The following ZC3H14 variants were observed in gnomAD, a reference collection of about 807,000 sequenced individuals.
The protein encoded by ZC3H14 is zinc finger CCCH domain-containing protein 14.
In ZC3H14, 31 loss-of-function variants were observed where a neutral mutation model predicts 92.4. The ratio of observed to expected loss-of-function variants is 0.34; its 90% CI spans 0.25 to 0.45. ZC3H14 has a LOEUF of 0.45. ZC3H14 is among the 20% of genes least tolerant of loss of function. The probability of loss-of-function intolerance (pLI) is 1.00; values close to 1 mark genes in which losing one functional copy is unlikely to be tolerated. For synonymous variants in ZC3H14, 321 were observed against 300.9 expected (o/e 1.07, Z -0.69); for missense variants, 781 against 897.3 (o/e 0.87, Z 1.66).
chr14:88,565,848 G>A (rs1402047666), intron 2 of ZC3H14, among the ~76,000 whole-genome samples: 1 of 151,744 alleles, frequency 6.6e-6, no homozygotes, highest in Non-Finnish European at 1.5e-5. Context: ...ATGAAACAAG[G>A]CCAGTCTTTG....
At chr14:88,567,999 TG>T in intron 2 of ZC3H14, 39 bp from the exon 3 acceptor site, 1 of 1,555,008 alleles carries the variant, frequency 6.4e-7, no homozygotes, top group Non-Finnish European at 8.9e-7. Context: ...AAGAAAGTTT[TG>T]AGGAAACAAA....
At chr14:88,594,291 A>T in intron 9 of ZC3H14, 1 of 450,464 alleles carries the variant, frequency 2.2e-6, no homozygotes, top group Non-Finnish European at 3.0e-6. Context: ...CCTATAAAGT[A>T]GCGCTTCAGT....
At position 88,614,506 on chromosome 14, in the gene ZC3H14, C is replaced by T. The variant is rs2087293141; in HGVS notation, c.*2755C>T. 6.6e-6 allele frequency: 1 copy of T among 152,058 alleles called. No homozygotes were observed. Among genetic ancestry groups the T allele is most frequent in the Non-Finnish European group, 1.5e-5 (1 of 68,014 alleles). The allele number at this position is 152,058 out of a possible 1,614,324, so 9.4% of individuals were successfully genotyped here. On this transcript the variant is annotated 3_prime_UTR_variant, in exon 17 of 17. Transcript: ENST00000251038. ...AGAATCTTCATATATCCTGTCAGAC[C>T]AAATGGGATTCCAGGAACCTAAAGC...
Position 88,625,374 on chromosome 14 carries a change from A to G in ZC3H14, c.*13623A>G, listed in dbSNP as rs992229070. ...TAACCTTAGACAATTCTTCCCTTCCAATTCTAACATACTATAATTCTAGGG... is the reference window on the plus strand; with the variant it reads ...TAACCTTAGACAATTCTTCCCTTCCGATTCTAACATACTATAATTCTAGGG... On this transcript the variant is annotated 3_prime_UTR_variant, in exon 17 of 17. Coordinates refer to ENST00000251038, the MANE Select transcript of ZC3H14 (RefSeq NM_024824.5). 11 of 425,940 alleles carry G rather than the reference A, an allele frequency of 2.6e-5. No individual in the cohort carries two copies. The highest frequency in any genetic ancestry group is 2.0e-4 in the African/African-American group (10 of 48,854). 26.4% of individuals were successfully genotyped at this position (425,940 alleles called of 1,614,324 possible). A position where few individuals can be genotyped will look rare whatever the true frequency, so the allele number is the denominator to read the frequency against.
At chr14:88,611,130 G>A (rs1340236009) in intron 16 of ZC3H14, among the ~76,000 whole-genome samples, 190 bp downstream of exon 16, 2 of 152,058 alleles carry the variant, frequency 1.3e-5, no homozygotes, top group Non-Finnish European at 2.9e-5. Flanking sequence ...ATTATCCAGT[G>A]GTTACTTTTT....
rs1416615143 is a variant in ZC3H14 at position 88,622,651 on chromosome 14, C to G, written c.*10900C>G. ...ACACAATCTGTGGCTTGTCCTGTCTCAAGCCTGAAGGCACGGCACCGCCTC... is the reference window on the plus strand; with the variant it reads ...ACACAATCTGTGGCTTGTCCTGTCTGAAGCCTGAAGGCACGGCACCGCCTC... On this transcript the variant is annotated 3_prime_UTR_variant, in exon 17 of 17. Transcript: ENST00000251038. 3.1e-6 allele frequency: 5 copies of G among 1,611,966 alleles called. No homozygotes were observed. Among genetic ancestry groups the G allele is most frequent in the Non-Finnish European group, 4.2e-6 (5 of 1,178,932 alleles).
intron 9 of ZC3H14, chr14:88,586,737 A>G (rs914027277): frequency 8.5e-5 from 13 of 152,242 alleles, no homozygotes; most frequent in Non-Finnish European, 1.5e-4. Flanking sequence ...TATGAAATAC[A>G]TGCTCACCAT....
intron 9 of ZC3H14, among the ~76,000 whole-genome samples, chr14:88,579,262 A>C (rs1213859037): frequency 6.6e-6 from 1 of 151,946 alleles, no homozygotes; most frequent in Admixed American, 6.6e-5. Context: ...AAAATTTTTG[A>C]CTGTATTGTT....
At chr14:88,607,513 A>C (rs2140118885) in intron 13 of ZC3H14, 150 bp downstream of exon 13, 2 of 742,050 alleles carry the variant, frequency 2.7e-6, no homozygotes, top group Non-Finnish European at 4.5e-6. Context: ...AGTGAGTACC[A>C]TCCCATCTCA....
intron 13 of ZC3H14, 57 bp downstream of exon 13, chr14:88,607,420 C>A: frequency 6.7e-7 from 1 of 1,501,964 alleles, no homozygotes; most frequent in East Asian, 2.8e-5. Context: ...CCATCTCACC[C>A]TGCAAGTACC....
Position 88,617,050 on chromosome 14 carries a change from C to G in ZC3H14, c.*5299C>G. On this transcript the variant is annotated 3_prime_UTR_variant, in exon 17 of 17. Coordinates refer to ENST00000251038, the MANE Select transcript of ZC3H14 (RefSeq NM_024824.5). ...CCTGAATTTCATCAGGATATCAACT[C>G]CTGCCTTTTAAAAATGACATTTTAT... The G allele has an allele frequency of 2.1e-6, 1 of 486,362 alleles. No homozygotes were observed. The highest frequency in any genetic ancestry group is 3.6e-6 in the Non-Finnish European group (1 of 278,530). The allele number at this position is 486,362 out of a possible 1,614,324, so 30.1% of individuals were successfully genotyped here. A position where few individuals can be genotyped will look rare whatever the true frequency, so the allele number is the denominator to read the frequency against.
intron 9 of ZC3H14, among the ~76,000 whole-genome samples, chr14:88,593,856 A>C (rs1270797990): frequency 6.6e-6 from 1 of 151,330 alleles, no homozygotes; most frequent in African/African-American, 2.4e-5. Flanking sequence ...CTCGGACTTC[A>C]TCAAAATTTA....
At chr14:88,585,401 G>A (rs1448394441) in intron 9 of ZC3H14, among the ~76,000 whole-genome samples, 8 of 148,078 alleles carry the variant, frequency 5.4e-5, no homozygotes, top group East Asian at 2.0e-4. Context: ...TTTTTGAGAC[G>A]GAGTCTCACT....
At chr14:88,602,706 C>T in intron 11 of ZC3H14, 122 bp from the exon 12 acceptor site, 1 of 1,059,484 alleles carries the variant, frequency 9.4e-7, no homozygotes, top group Non-Finnish European at 1.4e-6. Flanking sequence ...CCTACCTAGT[C>T]TTTTTTTATT....
chr14:88,563,703 T>C lies in ZC3H14; in HGVS notation c.79+10T>C. ...TTAGGAGCTTATGTTGGTAAGTGTTTTTTTGGTTGTTAGTCTTACAGAATT... is the reference window on the plus strand; with the variant it reads ...TTAGGAGCTTATGTTGGTAAGTGTTCTTTTGGTTGTTAGTCTTACAGAATT... On this transcript the variant is annotated intron_variant, in intron 2 of 16. Coordinates refer to ENST00000251038, the MANE Select transcript of ZC3H14 (RefSeq NM_024824.5). The C allele has an allele frequency of 6.2e-7, 1 of 1,613,180 alleles. No homozygotes were observed. The highest frequency in any genetic ancestry group is 8.5e-7 in the Non-Finnish European group (1 of 1,179,094).
At chr14:88,579,211 A>C (rs1438006806) in intron 9 of ZC3H14, among the ~76,000 whole-genome samples, 1 of 152,154 alleles carries the variant, frequency 6.6e-6, no homozygotes, top group Non-Finnish European at 1.5e-5. Flanking sequence ...ATGATTTCAG[A>C]ATTGTCAATT....
chr14:88,615,726 T>G lies in ZC3H14; in HGVS notation c.*3975T>G, dbSNP rs1213827076. The G allele has an allele frequency of 3.3e-6, 4 of 1,203,548 alleles. No homozygotes were observed. The highest frequency in any genetic ancestry group is 2.4e-6 in the Non-Finnish European group (2 of 843,110). 74.6% of individuals were successfully genotyped at this position (1,203,548 alleles called of 1,614,324 possible). A position where few individuals can be genotyped will look rare whatever the true frequency, so the allele number is the denominator to read the frequency against. On this transcript the variant is annotated 3_prime_UTR_variant, in exon 17 of 17. Coordinates refer to ENST00000251038, the MANE Select transcript of ZC3H14 (RefSeq NM_024824.5). ...ATTTCTCCCTGTTACAGTCTTGGGTTAGCACCACTTGACCATGCAGGGTTG... is the reference window on the plus strand; with the variant it reads ...ATTTCTCCCTGTTACAGTCTTGGGTGAGCACCACTTGACCATGCAGGGTTG...
At chr14:88,569,264 TA>T (rs1263429281) in intron 3 of ZC3H14, among the ~76,000 whole-genome samples, 2 of 152,224 alleles carry the variant, frequency 1.3e-5, no homozygotes, top group African/African-American at 4.8e-5. Flanking sequence ...TACAATGAGT[TA>T]CCTTTAGAGG....
chr14:88,566,924 GAAAAAA>G (rs1159219239), intron 2 of ZC3H14, among the ~76,000 whole-genome samples: 1 of 116,020 alleles, frequency 8.6e-6, no homozygotes, highest in Admixed American at 8.7e-5. Flanking sequence ...TGTCGTAAAA[GAAAAAA>G]AAAAAAAAGA....
Sources: allele counts gnomAD v4.1 joint callset (sites outside exome capture counted in the v4.1 genomes callset), GRCh38; gene constraint gnomAD v4.1.1; transcripts MANE v1.5; gene names NCBI Gene and HGNC (gene_info 2026-07-23, HGNC 2026-07-21).